Variants in FMN1 observed in about 807,000 individuals in gnomAD.
The protein encoded by FMN1 is formin 1, also known as formin-1.
Under a neutral mutation model 132.4 loss-of-function variants are expected in FMN1, and 110 were observed. The observed-to-expected ratio is 0.83, with a 90% CI of 0.71 to 0.97. FMN1 has a LOEUF of 0.97. Among genes scored for constraint, FMN1 ranks in the 50% least tolerant of loss-of-function variants. The pLI is 0.00. For synonymous variants in FMN1, 722 were observed against 651.7 expected, an observed-to-expected ratio of 1.11 and a Z score of -1.64; for missense variants, 1,792 against 1,705.3, an observed-to-expected ratio of 1.05 and a Z score of -0.90.
At chr15:32,803,772 C>T (rs1031855306) in intron 18 of FMN1, among the ~76,000 whole-genome samples, 2 of 152,134 alleles carry the variant, frequency 1.3e-5, no homozygotes, top group Non-Finnish European at 2.9e-5. Flanking sequence ...TTCCATCAAG[C>T]GGTTCAGGAG....
At chr15:32,929,473 A>G (rs192404355) in intron 9 of FMN1, among the ~76,000 whole-genome samples, 226 of 152,322 alleles carry the variant, frequency 1.5e-3, no homozygotes, top group Non-Finnish European at 2.7e-3. Flanking sequence ...ATTAACAAAA[A>G]TTTAAATGTA....
At position 32,766,202 on chromosome 15, in the gene FMN1, C is replaced by T. The variant is rs1361773746; in HGVS notation, c.*8108G>A. On this transcript the variant is annotated 3_prime_UTR_variant, in exon 21 of 21. Coordinates refer to ENST00000616417, the MANE Select transcript of FMN1 (RefSeq NM_001277313.2). ...AATGGCTATTTAGGACATGCTTGCACTTTTAAGTGCTTTCAAGAGTGTAGC... is the reference window on the plus strand; with the variant it reads ...AATGGCTATTTAGGACATGCTTGCATTTTTAAGTGCTTTCAAGAGTGTAGC... 6.6e-6 allele frequency: 1 copy of T among 152,170 alleles called. No individual in the cohort carries two copies. Among genetic ancestry groups the T allele is most frequent in the Admixed American group, 6.5e-5 (1 of 15,274 alleles). The allele number at this position is 152,170 out of a possible 1,614,324, so 9.4% of individuals were successfully genotyped here. A position where few individuals can be genotyped will look rare whatever the true frequency, so the allele number is the denominator to read the frequency against.
chr15:33,121,142 G>A (rs1437486198), intron 4 of FMN1, among the ~76,000 whole-genome samples: 1 of 152,160 alleles, frequency 6.6e-6, no homozygotes, highest in African/African-American at 2.4e-5. Flanking sequence ...ATGATTTACA[G>A]TCTACTTTCT....
intron 17 of FMN1, among the ~76,000 whole-genome samples, chr15:32,841,474 A>G (rs2058744450): frequency 6.6e-6 from 1 of 152,178 alleles, no homozygotes; most frequent in Admixed American, 6.5e-5. Flanking sequence ...ATTGAAAAAA[A>G]TATTTTCAAT....
intron 4 of FMN1, among the ~76,000 whole-genome samples, 194 bp downstream of exon 4, chr15:33,152,854 A>G (rs192255398): frequency 1.3e-5 from 2 of 151,908 alleles, no homozygotes; most frequent in Admixed American, 1.3e-4. Context: ...ATACCTCTGA[A>G]CCACTAGGTC....
intron 5 of FMN1, among the ~76,000 whole-genome samples, chr15:33,081,778 C>T (rs1035388120): frequency 6.6e-6 from 1 of 152,172 alleles, no homozygotes; most frequent in East Asian, 1.9e-4. Flanking sequence ...CCTCTAAGGG[C>T]AGGGTCTGGC....
intron 4 of FMN1, among the ~76,000 whole-genome samples, chr15:33,122,011 C>T (rs914045769): frequency 6.6e-6 from 1 of 152,116 alleles, no homozygotes. Context: ...GAAGAGGACA[C>T]GATCTCTACT....
intron 3 of FMN1, among the ~76,000 whole-genome samples, chr15:33,169,305 G>C (rs1471075934): frequency 6.6e-6 from 1 of 152,184 alleles, no homozygotes; most frequent in African/African-American, 2.4e-5. Flanking sequence ...GCTGCTTCTA[G>C]AAATCTACTA....
chr15:33,026,409 T>TACACAC lies in FMN1; in HGVS notation c.2162-18335_2162-18334insGTGTGT, dbSNP rs532485925. On this transcript the variant is annotated intron_variant, in intron 6 of 20. Coordinates refer to ENST00000616417, the MANE Select transcript of FMN1 (RefSeq NM_001277313.2). ...AAACATTAGAGGATACGTCCAAATT[T>TACACAC]TCACACACACACACACACACACACA... Among the ~76,000 whole-genome samples, 190 of 21,396 alleles carry TACACAC rather than the reference T, an allele frequency of 8.9e-3. 1 individual carries two copies. The highest frequency in any genetic ancestry group is 0.023 in the African/African-American group (184 of 7,924). The allele number at this position is 21,396 out of a possible 152,430, so 14.0% of individuals were successfully genotyped here.
intron 3 of FMN1, among the ~76,000 whole-genome samples, chr15:33,166,943 T>C (rs1286692460): frequency 6.6e-6 from 1 of 152,200 alleles, no homozygotes; most frequent in Non-Finnish European, 1.5e-5. Context: ...CACTGCTGTA[T>C]GCCAAGCTCA....
At chr15:32,921,907 A>G (rs982072262) in intron 10 of FMN1, among the ~76,000 whole-genome samples, 7 of 152,118 alleles carry the variant, frequency 4.6e-5, no homozygotes, top group Non-Finnish European at 8.8e-5. Flanking sequence ...TCCTGGGCTC[A>G]AGCAATCCAC....
At chr15:32,968,191 T>A (rs542680376) in intron 8 of FMN1, among the ~76,000 whole-genome samples, 1 of 152,354 alleles carries the variant, frequency 6.6e-6, no homozygotes, top group South Asian at 2.1e-4. Context: ...AGAGTTTGTA[T>A]TTTAAGACTC....
At chr15:32,845,121 T>C (rs1035049771) in intron 17 of FMN1, among the ~76,000 whole-genome samples, 27 of 152,216 alleles carry the variant, frequency 1.8e-4, no homozygotes, top group Non-Finnish European at 1.5e-4. Context: ...ACAATAACTG[T>C]ATAAATCAAA....
intron 4 of FMN1, among the ~76,000 whole-genome samples, chr15:33,126,688 AG>A (rs2140203618): frequency 8.8e-6 from 1 of 113,716 alleles, no homozygotes; most frequent in South Asian, 3.0e-4. Flanking sequence ...CTCAGCAGAC[AG>A]GAAGCGAAGG....
At chr15:32,973,576 A>AC (rs137961612) in intron 7 of FMN1, among the ~76,000 whole-genome samples, 5,468 of 147,296 alleles carry the variant, frequency 0.037, 382 homozygotes, top group African/African-American at 0.13. Flanking sequence ...TCTGCCCCTC[A>AC]CCCCCCCCAA....
At chr15:33,192,971 G>A (rs1267799362) in intron 2 of FMN1, among the ~76,000 whole-genome samples, 2 of 152,114 alleles carry the variant, frequency 1.3e-5, no homozygotes, top group Admixed American at 1.3e-4. Flanking sequence ...CTAGTCAGTG[G>A]CTGGTCCAGG....
chr15:32,881,717 A>T (rs534755), intron 16 of FMN1, among the ~76,000 whole-genome samples: 102,957 of 152,000 alleles, frequency 0.68, 36,777 homozygotes, highest in African/African-American at 0.92. Flanking sequence ...AGCCACTTGA[A>T]GACACCAGGT....
chr15:33,023,947 T>G (rs1237898757), intron 6 of FMN1, among the ~76,000 whole-genome samples: 1 of 152,176 alleles, frequency 6.6e-6, no homozygotes, highest in African/African-American at 2.4e-5. Context: ...ATCGTGTCTG[T>G]TGAAAGATGG....
chr15:33,082,171 C>T (rs2038506231), intron 5 of FMN1, among the ~76,000 whole-genome samples: 1 of 151,168 alleles, frequency 6.6e-6, no homozygotes, highest in Non-Finnish European at 1.5e-5. Context: ...CCTCCCAGTT[C>T]AAGCGATTCT....
Sources: allele counts gnomAD v4.1 joint callset (sites outside exome capture counted in the v4.1 genomes callset), GRCh38; gene constraint gnomAD v4.1.1; transcripts MANE v1.5; gene names NCBI Gene and HGNC (gene_info 2026-07-23, HGNC 2026-07-21).